Variants in ZNF713 observed in about 807,000 individuals in gnomAD.
ZNF713 encodes the protein zinc finger protein 713.
Under a neutral mutation model 28.7 loss-of-function variants are expected in ZNF713, and 21 were observed. That is an observed-to-expected ratio of 0.73 (90% CI 0.52 to 1.05). The LOEUF (loss-of-function observed/expected upper bound fraction) is 1.05. Ranked by LOEUF, ZNF713 falls within the 50% of genes least tolerant of loss-of-function variation. The pLI is 0.00. For synonymous variants in ZNF713, 167 were observed against 178.0 expected (o/e 0.94, Z 0.49); for missense variants, 458 against 532.4 (o/e 0.86, Z 1.37).
In ZNF713 at chr7:55,940,064, T is replaced by C; in HGVS notation, c.*58T>C. ...ATGTAGGAGATTTTTTGGTCAGACC[T>C]TTTTATCCCATTCAATATCAAATTA... is the stretch of plus-strand genomic sequence containing the variant. On this transcript the variant is annotated 3_prime_UTR_variant, in exon 7 of 7. Transcript: ENST00000429591. The C allele has an allele frequency of 6.7e-7, 1 of 1,500,896 alleles. No homozygotes were observed. 93.0% of individuals were successfully genotyped at this position (1,500,896 alleles called of 1,614,324 possible).
At chr7:55,925,978 A>G (rs908024337) in intron 6 of ZNF713, among the ~76,000 whole-genome samples, 1 of 152,034 alleles carries the variant, frequency 6.6e-6, no homozygotes, top group Non-Finnish European at 1.5e-5. Context: ...GTGTCCCTCT[A>G]CACAGACCCC....
intron 2 of ZNF713, among the ~76,000 whole-genome samples, chr7:55,909,810 C>G (rs1235681186): frequency 6.6e-6 from 1 of 151,856 alleles, no homozygotes; most frequent in Admixed American, 6.6e-5. Context: ...AATGGGATTG[C>G]CTTTTGTAAA....
At chr7:55,925,753 T>G (rs187736561) in intron 6 of ZNF713, among the ~76,000 whole-genome samples, 2 of 152,346 alleles carry the variant, frequency 1.3e-5, no homozygotes, top group Admixed American at 6.5e-5. Flanking sequence ...TAAGACATTT[T>G]GTCAAGAAGC....
chr7:55,919,490 G>GTTTTTTTTGTTTTTTTTTTTT (rs1785945405), intron 4 of ZNF713, among the ~76,000 whole-genome samples: 2 of 66,770 alleles, frequency 3.0e-5, no homozygotes, highest in African/African-American at 9.9e-5. Flanking sequence ...AAACACTCCA[G>GTTTTTTTTGTTTTTTTTTTTT]TTTTTTTTTT....
intron 6 of ZNF713, among the ~76,000 whole-genome samples, chr7:55,926,607 T>C (rs1786101687): frequency 6.6e-6 from 1 of 152,184 alleles, no homozygotes; most frequent in African/African-American, 2.4e-5. Flanking sequence ...GCATGCCTCA[T>C]TGTTATTGAC....
intron 1 of ZNF713, among the ~76,000 whole-genome samples, chr7:55,892,234 C>G (rs377449379): frequency 1.4e-5 from 2 of 143,420 alleles, no homozygotes; most frequent in African/African-American, 5.2e-5. Flanking sequence ...GCCGAGATCG[C>G]GCCGCTGCAC....
In ZNF713 at chr7:55,923,724, C is replaced by G. The variant is rs1295453190; in HGVS notation, c.307+25C>G. 3 of 1,579,954 alleles carry G rather than the reference C, an allele frequency of 1.9e-6. No individual in the cohort carries two copies. The African/African-American group carries it at 4.0e-5, about 21-fold the overall frequency. ...GGTAAGTGCACACTCTTGGGCACTG[C>G]TACTTAATGAGGGAAAACAGCCACT... On this transcript the variant is annotated intron_variant, in intron 6 of 6. Transcript: ENST00000429591.
chr7:55,940,157 C>T lies in ZNF713; in HGVS notation c.*151C>T. On this transcript the variant is annotated 3_prime_UTR_variant, in exon 7 of 7. Coordinates refer to ENST00000429591, the MANE Select transcript of ZNF713 (RefSeq NM_182633.3). ...TTTGTTTTTGAGACTGAGTCTCACT[C>T]TGTCACCCAGGCTGAAGTGCAGTGG... The T allele has an allele frequency of 7.7e-7, 1 of 1,291,014 alleles. No individual in the cohort carries two copies. 80.0% of individuals were successfully genotyped at this position (1,291,014 alleles called of 1,614,324 possible).
chr7:55,906,635 C>CT, intron 2 of ZNF713, among the ~76,000 whole-genome samples: 1 of 152,218 alleles, frequency 6.6e-6, no homozygotes, highest in Non-Finnish European at 1.5e-5. Flanking sequence ...AGTGTGGCAC[C>CT]TATGGTCTCA....
chr7:55,905,575 GAA>G (rs1458158033), intron 1 of ZNF713, among the ~76,000 whole-genome samples: 1 of 151,900 alleles, frequency 6.6e-6, no homozygotes, highest in African/African-American at 2.4e-5. Context: ...AGTTTGTACT[GAA>G]AAGAAAAATG....
intron 6 of ZNF713, among the ~76,000 whole-genome samples, chr7:55,930,058 A>T (rs1786180424): frequency 6.6e-6 from 1 of 152,040 alleles, no homozygotes; most frequent in Non-Finnish European, 1.5e-5. Flanking sequence ...TAAAAATAAT[A>T]TGAACAGTTC....
rs180900762 is a variant in ZNF713 at position 55,910,406 on chromosome 7, C to T, written c.-455-1210C>T. On this transcript the variant is annotated intron_variant, in intron 2 of 6. Transcript: ENST00000429591. ...GGAATGCTTTCAACTTTTCCCCATT[C>T]GATATGATGTTGGCTGTGGGTTTGT... Among the ~76,000 whole-genome samples, 14 of 152,126 alleles carry T rather than the reference C, an allele frequency of 9.2e-5. No homozygotes were observed. The East Asian group carries it at 2.1e-3, about 23-fold the overall frequency.
intron 1 of ZNF713, among the ~76,000 whole-genome samples, chr7:55,890,076 T>A (rs1048185537): frequency 1.3e-5 from 2 of 152,182 alleles, no homozygotes; most frequent in African/African-American, 4.8e-5. Context: ...TTGCACTGGG[T>A]GCATGCATTC....
intron 1 of ZNF713, among the ~76,000 whole-genome samples, chr7:55,888,364 G>A (rs952960732): frequency 3.3e-5 from 5 of 152,058 alleles, no homozygotes; most frequent in African/African-American, 4.8e-5. Context: ...GCGTGTGTAT[G>A]CTCAGATGTG....
In ZNF713 at chr7:55,887,636, G is replaced by GAA; in HGVS notation, c.-627_-626insAA. 2 of 155,026 alleles carry GAA rather than the reference G, an allele frequency of 1.3e-5. No homozygotes were observed. Among genetic ancestry groups the GAA allele is most frequent in the Non-Finnish European group, 2.4e-5 (2 of 83,588 alleles). 9.6% of individuals were successfully genotyped at this position (155,026 alleles called of 1,614,324 possible). A position where few individuals can be genotyped will look rare whatever the true frequency, so the allele number is the denominator to read the frequency against. Reference sequence around the variant, plus strand: ...CGGCGGCGGCGGCGGCGGCGGCGGCGGCGTCAGGGGGCGGAGCCTGCCGAA... The same window carrying GAA: ...CGGCGGCGGCGGCGGCGGCGGCGGCGAAGCGTCAGGGGGCGGAGCCTGCCGAA... On this transcript the variant is annotated 5_prime_UTR_variant, in exon 1 of 7. Transcript: ENST00000429591.
At position 55,930,130 on chromosome 7, in the gene ZNF713, C is replaced by T. The variant is rs148488258; in HGVS notation, c.307+6431C>T. 7.3e-3 allele frequency among the ~76,000 whole-genome samples: 1,102 copies of T among 152,000 alleles called. 18 individuals are homozygous for T. Among genetic ancestry groups the T allele is most frequent in the African/African-American group, 0.024 (976 of 41,476 alleles). ...GGCTGGAGTGCAGTGACACGATCTC[C>T]GCTCACTGCAACCTCTGCCTCCCAG... On this transcript the variant is annotated intron_variant, in intron 6 of 6. Coordinates refer to ENST00000429591, the MANE Select transcript of ZNF713 (RefSeq NM_182633.3).
chr7:55,923,584 A>G, intron 5 of ZNF713, 23 bp from the exon 6 acceptor site: 2 of 1,562,190 alleles, frequency 1.3e-6, no homozygotes, highest in Non-Finnish European at 1.7e-6. Flanking sequence ...AACTCCTAAG[A>G]TGTATGTTAC....
chr7:55,898,277 AAATG>A (rs1271004222), intron 1 of ZNF713, among the ~76,000 whole-genome samples: 2 of 152,364 alleles, frequency 1.3e-5, no homozygotes, highest in East Asian at 1.9e-4. Context: ...AACAATCAAT[AAATG>A]AAGAGAAAAA....
chr7:55,906,676 T>C (rs1738071599), intron 2 of ZNF713, among the ~76,000 whole-genome samples: 1 of 152,182 alleles, frequency 6.6e-6, no homozygotes, highest in African/African-American at 2.4e-5. Flanking sequence ...AGATTGCAGC[T>C]GTGTTTTATT....
Sources: allele counts gnomAD v4.1 joint callset (sites outside exome capture counted in the v4.1 genomes callset), GRCh38; gene constraint gnomAD v4.1.1; transcripts MANE v1.5; gene names NCBI Gene and HGNC (gene_info 2026-07-23, HGNC 2026-07-21).